Variants in ALKBH1 observed in about 807,000 individuals in gnomAD.
ALKBH1 encodes alkB homolog 1, histone H2A dioxygenase.
ALKBH1 carries 31 observed loss-of-function variants against 36.6 expected under a neutral mutation model. The ratio of observed to expected loss-of-function variants is 0.85; its 90% CI spans 0.64 to 1.14. The LOEUF is 1.14. ALKBH1 is among the 50% of genes most tolerant of loss of function. The pLI is 0.00. For synonymous variants in ALKBH1, 183 were observed against 186.6 expected, an observed-to-expected ratio of 0.98 and a Z score of 0.16; for missense variants, 490 against 497.3, an observed-to-expected ratio of 0.99 and a Z score of 0.14.
chr14:77,688,212 C>G (rs997231344), intron 3 of ALKBH1, among the ~76,000 whole-genome samples: 4 of 151,514 alleles, frequency 2.6e-5, no homozygotes, highest in Non-Finnish European at 4.4e-5. Flanking sequence ...CTTTTTGAGG[C>G]CTTTATCATC....
At chr14:77,694,684 C>T in intron 3 of ALKBH1, 54 bp downstream of exon 3, 1 of 1,378,062 alleles carries the variant, frequency 7.3e-7, no homozygotes, top group Non-Finnish European at 9.6e-7. Flanking sequence ...CCTTCAAAGA[C>T]CTGTGATGAT....
chr14:77,705,779 G>A (rs559197383), intron 1 of ALKBH1, among the ~76,000 whole-genome samples: 41 of 152,210 alleles, frequency 2.7e-4, no homozygotes, highest in African/African-American at 8.7e-4. Flanking sequence ...GAAACAGGCC[G>A]AGCGGTGGCT....
At chr14:77,683,543 C>T (rs1277564564) in intron 3 of ALKBH1, 1 of 595,866 alleles carries the variant, frequency 1.7e-6, no homozygotes, top group East Asian at 3.2e-5. Context: ...TGAACAGTAC[C>T]CATTCCCATT....
At chr14:77,693,235 T>C (rs1224074026) in intron 3 of ALKBH1, among the ~76,000 whole-genome samples, 1 of 149,750 alleles carries the variant, frequency 6.7e-6, no homozygotes, top group Non-Finnish European at 1.5e-5. Context: ...TTTTTTTTCA[T>C]AGAGATGGGG....
chr14:77,706,096 T>TAC lies in ALKBH1; in HGVS notation c.184-1621_184-1620dup, dbSNP rs546244923. 2.0e-3 allele frequency among the ~76,000 whole-genome samples: 227 copies of TAC among 112,794 alleles called. 4 individuals carry two copies. The South Asian group carries it at 0.026, about 13-fold the overall frequency. 74.0% of individuals were successfully genotyped at this position (112,794 alleles called of 152,430 possible). ...TATATTATATATACACACACATATATACACACACACATATATATATATATG... is the reference window on the plus strand; with the variant it reads ...TATATTATATATACACACACATATATACACACACACACATATATATATATATG... On this transcript the variant is annotated intron_variant, in intron 1 of 5. Transcript: ENST00000216489.
chr14:77,694,307 T>C (rs930327707), intron 3 of ALKBH1, among the ~76,000 whole-genome samples: 4 of 152,292 alleles, frequency 2.6e-5, no homozygotes, highest in African/African-American at 9.6e-5. Context: ...TTAGTTATTC[T>C]CATCAGGAAC....
intron 3 of ALKBH1, among the ~76,000 whole-genome samples, chr14:77,687,080 T>C (rs1024880843): frequency 6.6e-6 from 1 of 152,250 alleles, no homozygotes; most frequent in Non-Finnish European, 1.5e-5. Flanking sequence ...CCGTCTTCTG[T>C]TCTAAACCTT....
At chr14:77,698,308 T>C (rs764248427) in intron 2 of ALKBH1, among the ~76,000 whole-genome samples, 5 of 152,086 alleles carry the variant, frequency 3.3e-5, no homozygotes, top group Admixed American at 6.6e-5. Flanking sequence ...GAAGGTGAGA[T>C]GGATCAAGAG....
At chr14:77,697,092 C>T in intron 2 of ALKBH1, 1 of 190,832 alleles carries the variant, frequency 5.2e-6, no homozygotes, top group Middle Eastern at 1.2e-3. Context: ...TGCAATTCAG[C>T]AGCTTCCCAT....
chr14:77,680,136 C>T (rs1170313900), intron 3 of ALKBH1, among the ~76,000 whole-genome samples, 166 bp from the exon 4 acceptor site: 1 of 152,194 alleles, frequency 6.6e-6, no homozygotes, highest in Admixed American at 6.5e-5. Context: ...GATACATTAA[C>T]AGAGAAAAAC....
Position 77,673,928 on chromosome 14 carries a change from T to A in ALKBH1, c.1054A>T (p.Asn352Tyr), listed in dbSNP as rs2080190019. ...TVRQVLATDQ[N>Y]FPLEPIEDEK... ...TCCTCGATGGGTTCTAGAGGGAAATTCTGGTCTGTGGCCAGGACCTGTCGG... is the reference window on the plus strand; with the variant it reads ...TCCTCGATGGGTTCTAGAGGGAAATACTGGTCTGTGGCCAGGACCTGTCGG... The change falls in exon 6 of 6, where the codon AAT (asparagine) becomes TAT (tyrosine). Residue 352 changes from asparagine to tyrosine, a missense_variant. Asn to Tyr is a moderately radical substitution (Grantham distance 143, BLOSUM62 -2). Transcript: ENST00000216489. 6.2e-7 allele frequency: 1 copy of A among 1,614,090 alleles called. No homozygotes were observed.
At chr14:77,682,535 T>C (rs1174490624) in intron 3 of ALKBH1, among the ~76,000 whole-genome samples, 3 of 152,160 alleles carry the variant, frequency 2.0e-5, no homozygotes, top group African/African-American at 7.2e-5. Flanking sequence ...AAAAGGATGA[T>C]GATGATGATC....
intron 1 of ALKBH1, among the ~76,000 whole-genome samples, chr14:77,706,250 C>T (rs928129719): frequency 2.0e-5 from 3 of 151,994 alleles, no homozygotes; most frequent in African/African-American, 7.3e-5. Context: ...TATATGAAAC[C>T]CTCTGACAGT....
chr14:77,674,532 AT>A (rs2080194576), intron 5 of ALKBH1, among the ~76,000 whole-genome samples: 1 of 145,318 alleles, frequency 6.9e-6, no homozygotes, highest in African/African-American at 2.5e-5. Context: ...AATGTTATCC[AT>A]TTAAGTTTTA....
In ALKBH1 at chr14:77,673,848, G is replaced by C. The variant is rs778463350; in HGVS notation, c.1134C>G (p.Ser378Arg). 38 of 1,614,028 alleles carry C rather than the reference G, an allele frequency of 2.4e-5. No individual in the cohort carries two copies. Among genetic ancestry groups the C allele is most frequent in the Non-Finnish European group, 3.1e-5 (37 of 1,180,040 alleles). ...EGFCHLDDQN[S>R]EVKRARINPD... ...GGTTTATCCTGGCCCGTTTTACTTC[G>C]CTATTCTGGTCATCCAGATGGCAGA... The change falls in exon 6 of 6, where the codon AGC becomes AGG. Residue 378 changes from serine to arginine, a missense_variant. Ser to Arg is a moderately radical substitution (Grantham distance 110). Transcript: ENST00000216489.
chr14:77,706,970 C>A (rs968278268), intron 1 of ALKBH1, among the ~76,000 whole-genome samples: 17 of 152,146 alleles, frequency 1.1e-4, no homozygotes, highest in Admixed American at 7.9e-4. Context: ...ATATCCTCAA[C>A]GTTAAAGTGG....
In ALKBH1 at chr14:77,692,930, G is replaced by A. The variant is rs187013114; in HGVS notation, c.455+1808C>T. ...TAAAAAAAAAAATTTTTTTGGGGCC[G>A]GGAAGTGCCTTACACCTGTAATCCC... On this transcript the variant is annotated intron_variant, in intron 3 of 5. Transcript: ENST00000216489. Among the ~76,000 whole-genome samples, 331 of 151,440 alleles carry A rather than the reference G, an allele frequency of 2.2e-3. 2 individuals carry two copies. Among genetic ancestry groups the A allele is most frequent in the Non-Finnish European group, 3.4e-3 (228 of 67,884 alleles).
intron 3 of ALKBH1, among the ~76,000 whole-genome samples, chr14:77,690,204 T>C (rs1481029263): frequency 6.6e-6 from 1 of 151,020 alleles, no homozygotes; most frequent in African/African-American, 2.4e-5. Flanking sequence ...ATGCCTAGTG[T>C]GTTTAAGGAT....
At chr14:77,703,902 C>T (rs539756975) in intron 2 of ALKBH1, among the ~76,000 whole-genome samples, 1 of 152,110 alleles carries the variant, frequency 6.6e-6, no homozygotes, top group South Asian at 2.1e-4. Context: ...CTGGCGAGGA[C>T]TTTTGATGTC....
Sources: allele counts gnomAD v4.1 joint callset (sites outside exome capture counted in the v4.1 genomes callset), GRCh38; gene constraint gnomAD v4.1.1; transcripts MANE v1.5; gene names NCBI Gene and HGNC (gene_info 2026-07-23, HGNC 2026-07-21).